The following LRRC4C variants were observed in gnomAD, a reference collection of about 807,000 sequenced individuals.
The protein encoded by LRRC4C is leucine-rich repeat-containing protein 4C.
A neutral mutation model predicts 33.6 loss-of-function variants in LRRC4C; 5 were observed. That is an observed-to-expected ratio of 0.15 (90% CI 0.08 to 0.31). The LOEUF is 0.31. Ranked by LOEUF, LRRC4C falls within the 10% of genes least tolerant of loss-of-function variation. The probability of loss-of-function intolerance (pLI) is 1.00; values close to 1 mark genes in which losing one functional copy is unlikely to be tolerated. For synonymous variants in LRRC4C, 329 were observed against 302.0 expected, an observed-to-expected ratio of 1.09 and a Z score of -0.93; for missense variants, 560 against 796.7, an observed-to-expected ratio of 0.70 and a Z score of 3.58.
intron 4 of LRRC4C, among the ~76,000 whole-genome samples, chr11:40,319,090 C>G (rs1169996839): frequency 6.6e-6 from 1 of 152,066 alleles, no homozygotes; most frequent in Admixed American, 6.5e-5. Context: ...TCAGTGGTAA[C>G]AGAAAAAAAT....
chr11:41,143,773 C>G (rs549257906), intron 1 of LRRC4C, among the ~76,000 whole-genome samples: 5 of 152,218 alleles, frequency 3.3e-5, no homozygotes, highest in Non-Finnish European at 7.4e-5. Flanking sequence ...TAAAAACTTT[C>G]CAAGTGTTTC....
intron 2 of LRRC4C, among the ~76,000 whole-genome samples, chr11:40,735,835 T>C (rs56921589): frequency 0.068 from 10,263 of 150,408 alleles, 594 homozygotes; most frequent in African/African-American, 0.16. Context: ...TTCCTGACTT[T>C]TTAATGATCG....
intron 5 of LRRC4C, among the ~76,000 whole-genome samples, chr11:40,173,542 A>G (rs1026122312): frequency 1.3e-5 from 2 of 152,188 alleles, no homozygotes; most frequent in African/African-American, 4.8e-5. Context: ...GGTTTACTTC[A>G]TTGCTTGTAC....
Position 40,965,703 on chromosome 11 carries a change from G to T in LRRC4C, c.-495-31980C>A, listed in dbSNP as rs1198272226. ...TAGACATATGGCATTATTTATGAGG[G>T]TTCTGTTCTGTTCCATTGGTCTATA... On this transcript the variant is annotated intron_variant, in intron 1 of 6. Coordinates refer to ENST00000528697, the MANE Select transcript of LRRC4C (RefSeq NM_001258419.2). 1.3e-5 allele frequency among the ~76,000 whole-genome samples: 2 copies of T among 151,888 alleles called. 1 individual carries two copies. The highest frequency in any genetic ancestry group is 2.9e-5 in the Non-Finnish European group (2 of 67,936).
intron 1 of LRRC4C, among the ~76,000 whole-genome samples, chr11:41,392,787 C>A (rs1357472811): frequency 6.6e-6 from 1 of 151,724 alleles, no homozygotes; most frequent in Non-Finnish European, 1.5e-5. Flanking sequence ...GCCAAGGAAT[C>A]CCAAGAATTT....
intron 5 of LRRC4C, among the ~76,000 whole-genome samples, chr11:40,210,032 T>A (rs1323231310): frequency 1.3e-5 from 2 of 151,474 alleles, no homozygotes. Flanking sequence ...GGTTCAAGAG[T>A]GGGATGAAGA....
chr11:40,491,923 T>C (rs116519847), intron 3 of LRRC4C, among the ~76,000 whole-genome samples: 2,396 of 152,292 alleles, frequency 0.016, 66 homozygotes, highest in African/African-American at 0.053. Context: ...CTGCCTACCA[T>C]ACCATATTGT....
chr11:41,028,038 C>T (rs1000411250), intron 1 of LRRC4C, among the ~76,000 whole-genome samples: 1 of 151,612 alleles, frequency 6.6e-6, no homozygotes, highest in Non-Finnish European at 1.5e-5. Flanking sequence ...CCACTGTGAC[C>T]TGCTCATGGC....
intron 3 of LRRC4C, among the ~76,000 whole-genome samples, chr11:40,510,881 AT>A (rs1955280894): frequency 6.6e-6 from 1 of 152,152 alleles, no homozygotes; most frequent in South Asian, 2.1e-4. Context: ...AGAAAGAAAG[AT>A]TTGGATATTG....
intron 1 of LRRC4C, among the ~76,000 whole-genome samples, chr11:41,290,181 T>C (rs1034845462): frequency 3.7e-4 from 57 of 152,170 alleles, no homozygotes; most frequent in Non-Finnish European, 2.5e-4. Flanking sequence ...AGATTTCCCA[T>C]AATGACAAGA....
chr11:41,357,593 C>T lies in LRRC4C; in HGVS notation c.-496+101838G>A, dbSNP rs202152453. Among the ~76,000 whole-genome samples, 58 of 152,152 alleles carry T rather than the reference C, an allele frequency of 3.8e-4. No homozygotes were observed. The East Asian group carries it at 9.3e-3, about 24-fold the overall frequency. On this transcript the variant is annotated intron_variant, in intron 1 of 6. Coordinates refer to ENST00000528697, the MANE Select transcript of LRRC4C (RefSeq NM_001258419.2). Reference sequence around the variant, plus strand: ...TTTTCTCTGTGGCCTACTTTCCTAACGTCCTTGTTCTGGTGTTCCTTTTCC... The same window carrying T: ...TTTTCTCTGTGGCCTACTTTCCTAATGTCCTTGTTCTGGTGTTCCTTTTCC...
chr11:40,533,145 T>C (rs1254718034), intron 3 of LRRC4C, among the ~76,000 whole-genome samples: 3 of 152,160 alleles, frequency 2.0e-5, no homozygotes, highest in Non-Finnish European at 2.9e-5. Context: ...CATCAGCTGG[T>C]ATCATTTTGG....
intron 1 of LRRC4C, among the ~76,000 whole-genome samples, chr11:41,408,760 A>AAAAAAAAACAAACAAAC (rs1565650015): frequency 6.6e-6 from 1 of 151,336 alleles, no homozygotes; most frequent in African/African-American, 2.4e-5. Flanking sequence ...AAAAAAAAAA[A>AAAAAAAAACAAACAAAC]AAAAAAACTG....
At position 40,575,713 on chromosome 11, in the gene LRRC4C, T is replaced by TG. The variant is rs370632759; in HGVS notation, c.-270+72428dup. ...TAAGATTTAGTATTCCATAAAGTATTGATGATCTTTACTTAGAAGACAGAT... is the reference window on the plus strand; with the variant it reads ...TAAGATTTAGTATTCCATAAAGTATTGGATGATCTTTACTTAGAAGACAGAT... On this transcript the variant is annotated intron_variant, in intron 3 of 6. Transcript: ENST00000528697. Among the ~76,000 whole-genome samples, 252 of 152,318 alleles carry TG rather than the reference T, an allele frequency of 1.7e-3. 2 individuals carry two copies. The highest frequency in any genetic ancestry group is 5.8e-3 in the African/African-American group (243 of 41,562).
intron 3 of LRRC4C, among the ~76,000 whole-genome samples, chr11:40,337,292 T>A (rs1339463404): frequency 6.6e-6 from 1 of 152,204 alleles, no homozygotes; most frequent in Non-Finnish European, 1.5e-5. Flanking sequence ...AGGTAAAGAC[T>A]GTGGATTTGA....
At chr11:40,628,313 T>C (rs1441565591) in intron 3 of LRRC4C, among the ~76,000 whole-genome samples, 1 of 151,824 alleles carries the variant, frequency 6.6e-6, no homozygotes, top group African/African-American at 2.4e-5. Flanking sequence ...CCGTCTCTAC[T>C]AAAAATACAA....
intron 3 of LRRC4C, among the ~76,000 whole-genome samples, chr11:40,638,758 T>TC (rs1208685167): frequency 6.8e-6 from 1 of 146,238 alleles, no homozygotes; most frequent in Admixed American, 7.1e-5. Context: ...AATGGTTTTT[T>TC]CAATTGGTCG....
intron 3 of LRRC4C, among the ~76,000 whole-genome samples, chr11:40,513,606 G>T (rs937649219): frequency 1.3e-5 from 2 of 152,138 alleles, no homozygotes; most frequent in African/African-American, 2.4e-5. Context: ...AAGGGCCAGG[G>T]CAGGGTTGCA....
At chr11:41,058,622 T>C (rs1238172435) in intron 1 of LRRC4C, among the ~76,000 whole-genome samples, 1 of 152,242 alleles carries the variant, frequency 6.6e-6, no homozygotes, top group Non-Finnish European at 1.5e-5. Flanking sequence ...ATGTGTACTA[T>C]TTCAGCTGCT....
Sources: allele counts gnomAD v4.1 joint callset (sites outside exome capture counted in the v4.1 genomes callset), GRCh38; gene constraint gnomAD v4.1.1; transcripts MANE v1.5; gene names NCBI Gene and HGNC (gene_info 2026-07-23, HGNC 2026-07-21).